SCAI: variants seen among roughly 807,000 people sequenced by gnomAD.
The protein encoded by SCAI is protein SCAI.
SCAI carries 24 observed loss-of-function variants against 92.2 expected under a neutral mutation model. That is an observed-to-expected ratio of 0.26 (90% CI 0.19 to 0.37). SCAI has a LOEUF of 0.37. Ranked by LOEUF, SCAI falls within the 10% of genes least tolerant of loss-of-function variation. SCAI has a pLI of 1.00. For synonymous variants in SCAI, 261 were observed against 258.6 expected, an observed-to-expected ratio of 1.01 and a Z score of -0.09; for missense variants, 450 against 736.2, an observed-to-expected ratio of 0.61 and a Z score of 4.50.
intron 2 of SCAI, among the ~76,000 whole-genome samples, chr9:125,078,398 C>T (rs1834139111): frequency 6.6e-6 from 1 of 151,972 alleles, no homozygotes; most frequent in Admixed American, 6.6e-5. Context: ...CATGGTGGCA[C>T]ATGCCTGTAA....
At chr9:125,034,837 TG>T (rs1554782638) in intron 3 of SCAI, among the ~76,000 whole-genome samples, 1 of 152,186 alleles carries the variant, frequency 6.6e-6, no homozygotes, top group Non-Finnish European at 1.5e-5. Context: ...AGATATACAC[TG>T]GAACTACAGA....
intron 2 of SCAI, among the ~76,000 whole-genome samples, chr9:125,124,958 C>T (rs905634132): frequency 1.3e-5 from 2 of 152,232 alleles, no homozygotes; most frequent in African/African-American, 4.8e-5. Flanking sequence ...GGGAGGCTCA[C>T]GCCTGTAATC....
chr9:125,010,391 G>C (rs1832610165), intron 9 of SCAI, among the ~76,000 whole-genome samples: 1 of 152,208 alleles, frequency 6.6e-6, no homozygotes, highest in African/African-American at 2.4e-5. Context: ...CCCGCACATG[G>C]CTTGGAGGGT....
rs1831130486 is a variant in SCAI, at chr9:124,945,422, GCACA to G, written c.*7381_*7384del. 1.3e-5 allele frequency: 2 copies of G among 152,124 alleles called. No homozygotes were observed. The highest frequency in any genetic ancestry group is 2.4e-5 in the African/African-American group (1 of 41,414). The allele number at this position is 152,124 out of a possible 1,614,324, so 9.4% of individuals were successfully genotyped here. On this transcript the variant is annotated 3_prime_UTR_variant, in exon 18 of 18. Coordinates refer to ENST00000336505, the MANE Select transcript of SCAI (RefSeq NM_001144877.3). ...AATACAAAATTAGCTGGTCGTGGTGGCACACGCCTGTAATCCCAGCTACTTGGGA... is the reference window on the plus strand; with the variant it reads ...AATACAAAATTAGCTGGTCGTGGTGGCGCCTGTAATCCCAGCTACTTGGGA...
chr9:125,031,299 C>G (rs1833069912), intron 3 of SCAI, among the ~76,000 whole-genome samples: 1 of 151,398 alleles, frequency 6.6e-6, no homozygotes, highest in African/African-American at 2.4e-5. Flanking sequence ...CGCGCTCTTG[C>G]CGCCCAGGCT....
intron 2 of SCAI, among the ~76,000 whole-genome samples, chr9:125,127,309 A>G (rs78507218): frequency 6.6e-6 from 1 of 152,162 alleles, no homozygotes; most frequent in African/African-American, 2.4e-5. Flanking sequence ...AGAGTCTCAC[A>G]TAACTCTAAG....
chr9:125,126,561 G>GGTGGGTGTGT (rs1554794282), intron 2 of SCAI, among the ~76,000 whole-genome samples: 2 of 135,396 alleles, frequency 1.5e-5, no homozygotes, highest in African/African-American at 5.9e-5. Flanking sequence ...TGGGTGGGTG[G>GGTGGGTGTGT]GTGTGGGTGT....
At position 124,949,335 on chromosome 9, in the gene SCAI, A is replaced by C. The variant is rs1231046531; in HGVS notation, c.*3472T>G. ...GCCACCACACTGCAGCCTGAGTAAC[A>C]AGAGTGAAACTCCGTCTCAAAAACA... On this transcript the variant is annotated 3_prime_UTR_variant, in exon 18 of 18. Coordinates refer to ENST00000336505, the MANE Select transcript of SCAI (RefSeq NM_001144877.3). This position sits in a 1 kb window ranked among gnomAD's most constrained non-coding sequence, Gnocchi z 4.0. The C allele has an allele frequency of 1.3e-5, 2 of 152,294 alleles. No individual in the cohort carries two copies. The highest frequency in any genetic ancestry group is 2.9e-5 in the Non-Finnish European group (2 of 68,076). 9.4% of individuals were successfully genotyped at this position (152,294 alleles called of 1,614,324 possible). A position where few individuals can be genotyped will look rare whatever the true frequency, so the allele number is the denominator to read the frequency against.
chr9:125,135,898 G>C (rs1233738190), intron 2 of SCAI, among the ~76,000 whole-genome samples: 1 of 148,820 alleles, frequency 6.7e-6, no homozygotes, highest in Non-Finnish European at 1.5e-5. Flanking sequence ...GAACCCAGGA[G>C]GCAGAGGCTG....
intron 6 of SCAI, among the ~76,000 whole-genome samples, chr9:125,023,957 A>G (rs1832916825): frequency 1.3e-5 from 2 of 152,044 alleles, no homozygotes; most frequent in African/African-American, 4.8e-5. Context: ...TGCAGAAAAA[A>G]GAGTGTGACT....
intron 3 of SCAI, among the ~76,000 whole-genome samples, chr9:125,051,576 T>C (rs1337361417): frequency 6.6e-6 from 1 of 152,206 alleles, no homozygotes; most frequent in Non-Finnish European, 1.5e-5. Context: ...AAGTGATGGA[T>C]ATCCCAAATC....
intron 12 of SCAI, among the ~76,000 whole-genome samples, 178 bp from the exon 13 acceptor site, chr9:125,000,168 T>C (rs188416036): frequency 1.8e-4 from 28 of 152,342 alleles, no homozygotes; most frequent in African/African-American, 5.8e-4. Context: ...CTTCAGTATG[T>C]TGTCATTTTC....
intron 6 of SCAI, among the ~76,000 whole-genome samples, chr9:125,024,749 C>T (rs1588159787): frequency 6.6e-6 from 1 of 152,216 alleles, no homozygotes; most frequent in Admixed American, 6.5e-5. Flanking sequence ...TATTCAGAAT[C>T]TTCACCTTCT....
At chr9:125,069,560 C>T (rs1209925384) in intron 2 of SCAI, among the ~76,000 whole-genome samples, 5 of 149,564 alleles carry the variant, frequency 3.3e-5, no homozygotes, top group Non-Finnish European at 5.9e-5. Context: ...CCTTGTGATC[C>T]GCCCGCCTCA....
At chr9:124,989,051 A>C (rs1052090179) in intron 14 of SCAI, among the ~76,000 whole-genome samples, 1 of 152,126 alleles carries the variant, frequency 6.6e-6, no homozygotes, top group Non-Finnish European at 1.5e-5. Flanking sequence ...AGGCAGGAGA[A>C]TCTCCTGAAC....
intron 2 of SCAI, among the ~76,000 whole-genome samples, chr9:125,141,465 C>T (rs1209550880): frequency 1.3e-5 from 2 of 152,318 alleles, no homozygotes; most frequent in East Asian, 3.9e-4. Flanking sequence ...CACAGAATTG[C>T]TATGTAGTAC....
At chr9:124,974,140 G>T (rs1277155317) in intron 15 of SCAI, 1 of 392,670 alleles carries the variant, frequency 2.5e-6, no homozygotes, top group East Asian at 9.2e-5. Context: ...GTGCTTGTCA[G>T]GTCATAGTGC....
intron 15 of SCAI, among the ~76,000 whole-genome samples, chr9:124,975,577 T>C (rs531509991): frequency 6.6e-6 from 1 of 152,374 alleles, no homozygotes; most frequent in South Asian, 2.1e-4. Context: ...GCCAAAACAC[T>C]AACCTGTCTC....
intron 3 of SCAI, among the ~76,000 whole-genome samples, chr9:125,030,273 A>G (rs1406442393): frequency 6.6e-6 from 1 of 152,230 alleles, no homozygotes; most frequent in Non-Finnish European, 1.5e-5. Context: ...GCCTGGCCGT[A>G]TTAACTTCCT....
Sources: allele counts gnomAD v4.1 joint callset (sites outside exome capture counted in the v4.1 genomes callset), GRCh38; gene constraint gnomAD v4.1.1; non-coding constraint Gnocchi (gnomAD v3.1); transcripts MANE v1.5; gene names NCBI Gene and HGNC (gene_info 2026-07-23, HGNC 2026-07-21).